Variants in GAS2 observed in about 807,000 individuals in gnomAD.
The protein encoded by GAS2 is growth arrest-specific protein 2.
A neutral mutation model predicts 37.5 loss-of-function variants in GAS2; 20 were observed. The ratio of observed to expected loss-of-function variants is 0.53; its 90% confidence interval spans 0.37 to 0.77. The LOEUF is 0.77. Ranked by LOEUF, GAS2 falls within the 30% of genes least tolerant of loss-of-function variation. The pLI is 0.00. For missense variants in GAS2, 336 were observed against 373.4 expected (o/e 0.90, Z 0.82); for synonymous variants, 144 against 132.2 (o/e 1.09, Z -0.61).
rs573508497 is a variant in GAS2, at chr11:22,697,047, G to T, written c.267+11258G>T. ...CCTATGTCCTGAATGGTAATGCCTAGGTTTTCTTCTAGGGTTTTTATGGTT... is the reference window on the plus strand; with the variant it reads ...CCTATGTCCTGAATGGTAATGCCTATGTTTTCTTCTAGGGTTTTTATGGTT... On this transcript the variant is annotated intron_variant, in intron 3 of 7. Coordinates refer to ENST00000454584, the MANE Select transcript of GAS2 (RefSeq NM_001143830.3). 7.3e-3 allele frequency among the ~76,000 whole-genome samples: 1,111 copies of T among 151,898 alleles called. 20 individuals carry two copies. Among genetic ancestry groups the T allele is most frequent in the African/African-American group, 0.025 (1,053 of 41,370 alleles).
intron 3 of GAS2, among the ~76,000 whole-genome samples, chr11:22,688,712 C>T (rs1401230355): frequency 6.6e-6 from 1 of 152,020 alleles, no homozygotes; most frequent in Non-Finnish European, 1.5e-5. Flanking sequence ...AAATTTTTAA[C>T]TGAATATAAA....
intron 3 of GAS2, among the ~76,000 whole-genome samples, chr11:22,715,234 G>A (rs1851608338): frequency 6.6e-6 from 1 of 152,020 alleles, no homozygotes; most frequent in Admixed American, 6.6e-5. Context: ...GGCCAAGGCA[G>A]GCGGATCACC....
At chr11:22,705,430 C>T (rs1851066463) in intron 3 of GAS2, among the ~76,000 whole-genome samples, 1 of 152,120 alleles carries the variant, frequency 6.6e-6, no homozygotes, top group Admixed American at 6.6e-5. Context: ...GAATGCTTTT[C>T]CAGACTTTTC....
intron 5 of GAS2, among the ~76,000 whole-genome samples, chr11:22,741,482 C>T (rs951325301): frequency 4.6e-5 from 7 of 151,540 alleles, no homozygotes; most frequent in South Asian, 2.1e-4. Context: ...TTGATATTTT[C>T]GTTTAGGGTC....
intron 5 of GAS2, among the ~76,000 whole-genome samples, chr11:22,738,579 T>C (rs985792277): frequency 6.6e-6 from 1 of 152,224 alleles, no homozygotes; most frequent in Non-Finnish European, 1.5e-5. Context: ...CATCTGGGTA[T>C]ACTTTTAGGG....
chr11:22,773,521 G>T (rs539106084), intron 7 of GAS2, among the ~76,000 whole-genome samples: 83 of 151,400 alleles, frequency 5.5e-4, no homozygotes, highest in African/African-American at 1.7e-3. Flanking sequence ...AGCCTCCCGA[G>T]TAGGTGGGAC....
At chr11:22,685,871 T>A in intron 3 of GAS2, 82 bp downstream of exon 3, 3 of 1,407,312 alleles carry the variant, frequency 2.1e-6, no homozygotes, top group Non-Finnish European at 1.9e-6. Context: ...AATTAAAAAA[T>A]TTATTGTGAA....
chr11:22,789,303 T>TACACAC (rs201918939), intron 7 of GAS2, among the ~76,000 whole-genome samples: 13 of 111,114 alleles, frequency 1.2e-4, no homozygotes, highest in African/African-American at 3.4e-4. Context: ...TATATATATA[T>TACACAC]ACACACACAC....
intron 3 of GAS2, among the ~76,000 whole-genome samples, chr11:22,703,520 T>A (rs758417864): frequency 3.9e-5 from 6 of 152,162 alleles, no homozygotes; most frequent in Non-Finnish European, 8.8e-5. Context: ...GAAACATTCA[T>A]AGATTTTATA....
In GAS2 at chr11:22,685,826, T is replaced by C. The variant is rs373764931; in HGVS notation, c.267+37T>C. The C allele has an allele frequency of 3.8e-6, 6 of 1,577,614 alleles. No homozygotes were observed. The African/African-American group carries it at 4.1e-5, about 11-fold the overall frequency. The stretch of plus-strand genomic sequence containing the variant: ...CAATGCAAAAATCACTCTTAGGTGG[T>C]AGATTACATTTATAATTGCTTATAA... On this transcript the variant is annotated intron_variant, in intron 3 of 7. Transcript: ENST00000454584.
intron 1 of GAS2, among the ~76,000 whole-genome samples, chr11:22,644,414 C>G (rs1397561413): frequency 6.6e-6 from 1 of 151,934 alleles, no homozygotes; most frequent in East Asian, 1.9e-4. Flanking sequence ...CAGTTAATTA[C>G]CAAGTATAAA....
intron 5 of GAS2, among the ~76,000 whole-genome samples, chr11:22,748,829 T>C (rs886205313): frequency 6.6e-6 from 1 of 152,110 alleles, no homozygotes; most frequent in African/African-American, 2.4e-5. Context: ...ATTTACATGG[T>C]TATTCATGTT....
At chr11:22,756,103 A>G (rs2134333440) in intron 7 of GAS2, 150 bp downstream of exon 7, 12 of 593,930 alleles carry the variant, frequency 2.0e-5, no homozygotes, top group South Asian at 1.0e-4. Context: ...CATACATTAT[A>G]ATGTACTACT....
intron 1 of GAS2, among the ~76,000 whole-genome samples, chr11:22,654,627 C>A (rs184289371): frequency 3.4e-4 from 51 of 152,150 alleles, no homozygotes; most frequent in Non-Finnish European, 6.5e-4. Context: ...AACTCCCAGG[C>A]TAAAGTAATC....
chr11:22,721,978 T>G (rs1035074436), intron 3 of GAS2, among the ~76,000 whole-genome samples: 1 of 151,944 alleles, frequency 6.6e-6, no homozygotes. Flanking sequence ...CCCATACACA[T>G]AGTCAATGGG....
At chr11:22,705,865 T>C (rs1851090935) in intron 3 of GAS2, among the ~76,000 whole-genome samples, 1 of 152,210 alleles carries the variant, frequency 6.6e-6, no homozygotes, top group Admixed American at 6.5e-5. Flanking sequence ...GAGGAGGACC[T>C]AAATTAGTCA....
intron 3 of GAS2, among the ~76,000 whole-genome samples, chr11:22,708,943 G>T (rs1300252754): frequency 2.0e-5 from 3 of 152,124 alleles, no homozygotes; most frequent in Non-Finnish European, 2.9e-5. Context: ...AGAAGCCTGT[G>T]GTGGGAGGCA....
At chr11:22,804,978 G>A (rs1345273462) in intron 7 of GAS2, among the ~76,000 whole-genome samples, 1 of 152,090 alleles carries the variant, frequency 6.6e-6, no homozygotes, top group African/African-American at 2.4e-5. Context: ...AAAGCTCATT[G>A]TAGTGCAAGC....
At chr11:22,671,048 C>T (rs139608492) in intron 1 of GAS2, among the ~76,000 whole-genome samples, 1 of 152,102 alleles carries the variant, frequency 6.6e-6, no homozygotes, top group Non-Finnish European at 1.5e-5. Flanking sequence ...AGAGTCAAAA[C>T]TATGATGTCT....
Sources: gnomAD v4.1 joint callset for allele counts (sites outside exome capture counted in the v4.1 genomes callset) on GRCh38, gnomAD v4.1.1 for gene constraint, MANE v1.5 for transcripts, NCBI Gene and HGNC (gene_info 2026-07-23, HGNC 2026-07-21) for gene names.